Variants in RNFT2 observed in about 807,000 individuals in gnomAD.
The protein encoded by RNFT2 is E3 ubiquitin-protein ligase RNFT2.
RNFT2 carries 36 observed loss-of-function variants against 53.0 expected under a neutral mutation model. The observed-to-expected ratio is 0.68, with a 90% confidence interval of 0.52 to 0.90. RNFT2 has a LOEUF of 0.90. Among genes scored for constraint, RNFT2 ranks in the 40% least tolerant of loss-of-function variants. The pLI is 0.00. For missense variants in RNFT2, 514 were observed against 585.6 expected (o/e 0.88, Z 1.26); for synonymous variants, 260 against 253.2 (o/e 1.03, Z -0.26).
chr12:116,739,302 A>G lies in RNFT2; in HGVS notation c.-154+932A>G, dbSNP rs540580382. 2.1e-3 allele frequency among the ~76,000 whole-genome samples: 315 copies of G among 152,316 alleles called. 2 individuals carry two copies. Among genetic ancestry groups the G allele is most frequent in the African/African-American group, 7.1e-3 (297 of 41,578 alleles). On this transcript the variant is annotated intron_variant, in intron 1 of 10. Transcript: ENST00000257575. ...GGACAGGGAGCAAGGGATCTAGAAA[A>G]GGGGAACTGGGAGACCCATAGATGT...
chr12:116,744,904 G>A (rs7975090), intron 3 of RNFT2, among the ~76,000 whole-genome samples: 13 of 152,104 alleles, frequency 8.5e-5, no homozygotes, highest in African/African-American at 2.7e-4. Flanking sequence ...GGGTGGCCAC[G>A]GAGAGAGAGT....
chr12:116,843,717 G>A (rs1877471007), intron 10 of RNFT2, among the ~76,000 whole-genome samples: 2 of 151,984 alleles, frequency 1.3e-5, no homozygotes, highest in Non-Finnish European at 2.9e-5. Context: ...GGGTAAACCT[G>A]GTTTTTTGAA....
chr12:116,834,122 T>G (rs1165835970), intron 8 of RNFT2, among the ~76,000 whole-genome samples, 181 bp downstream of exon 8: 1 of 152,172 alleles, frequency 6.6e-6, no homozygotes, highest in Non-Finnish European at 1.5e-5. Flanking sequence ...TATTTTATTT[T>G]ATTTATTTAT....
At chr12:116,779,144 C>T (rs1383915857) in intron 6 of RNFT2, 51 bp from the exon 7 acceptor site, 1 of 1,600,254 alleles carries the variant, frequency 6.2e-7, no homozygotes, top group Non-Finnish European at 8.6e-7. Flanking sequence ...GAAGGAGCTG[C>T]TGAGGCCTGG....
chr12:116,758,029 G>C (rs561150171), intron 5 of RNFT2, among the ~76,000 whole-genome samples: 2 of 152,270 alleles, frequency 1.3e-5, no homozygotes, highest in Admixed American at 6.5e-5. Flanking sequence ...TATATATTTA[G>C]AATTGTGATA....
At chr12:116,790,734 A>C (rs1037150235) in intron 7 of RNFT2, among the ~76,000 whole-genome samples, 4 of 152,194 alleles carry the variant, frequency 2.6e-5, no homozygotes, top group African/African-American at 7.2e-5. Flanking sequence ...AGTTGGGAGG[A>C]TCTCTTGAGC....
chr12:116,843,114 A>G (rs927758111), intron 10 of RNFT2, among the ~76,000 whole-genome samples: 7 of 152,056 alleles, frequency 4.6e-5, no homozygotes, highest in African/African-American at 1.7e-4. Flanking sequence ...TTTGGGCAAG[A>G]CCTGGATAGA....
Position 116,740,425 on chromosome 12 carries a change from T to A in RNFT2, c.-73T>A. 6.9e-7 allele frequency: 1 copy of A among 1,451,122 alleles called. No individual in the cohort carries two copies. Among genetic ancestry groups the A allele is most frequent in the Non-Finnish European group, 9.5e-7 (1 of 1,055,074 alleles). The allele number at this position is 1,451,122 out of a possible 1,614,324, so 89.9% of individuals were successfully genotyped here. ...AGGGGGAGGCCTGTCCTCTCTGGGA[T>A]CCATTGGTCACATCCCCCTGAGGAT... On this transcript the variant is annotated 5_prime_UTR_variant, in exon 2 of 11. Transcript: ENST00000257575.
At chr12:116,769,049 A>G (rs1482072756) in intron 6 of RNFT2, among the ~76,000 whole-genome samples, 1 of 151,930 alleles carries the variant, frequency 6.6e-6, no homozygotes, top group African/African-American at 2.4e-5. Flanking sequence ...TTTAGAGTAT[A>G]CTTTTTCTAC....
intron 7 of RNFT2, among the ~76,000 whole-genome samples, chr12:116,798,360 A>T (rs4767456): frequency 0.018 from 2,786 of 152,212 alleles, 50 homozygotes; most frequent in South Asian, 0.063. Context: ...TATCTTAGAG[A>T]TTGTTCGGAT....
intron 7 of RNFT2, among the ~76,000 whole-genome samples, chr12:116,812,176 C>T (rs1328502949): frequency 6.6e-6 from 1 of 152,146 alleles, no homozygotes; most frequent in Non-Finnish European, 1.5e-5. Context: ...CAGAGACACA[C>T]AAAAGAACAA....
chr12:116,786,537 G>A (rs1037945876), intron 7 of RNFT2, among the ~76,000 whole-genome samples: 9 of 146,620 alleles, frequency 6.1e-5, no homozygotes, highest in Admixed American at 5.3e-4. Context: ...GATAAGGAAG[G>A]CATTTGAGGT....
chr12:116,849,613 C>T lies in RNFT2; in HGVS notation c.*165C>T, dbSNP rs758420558. The T allele has an allele frequency of 7.2e-7, 1 of 1,394,864 alleles. No homozygotes were observed. The highest frequency in any genetic ancestry group is 9.3e-7 in the Non-Finnish European group (1 of 1,072,930). The allele number at this position is 1,394,864 out of a possible 1,614,324, so 86.4% of individuals were successfully genotyped here. ...GCCCCTGTCTTGTCCTTCTGACCTT[C>T]ATCTTCCTCTCTCGTTCTGTGGTAT... On this transcript the variant is annotated 3_prime_UTR_variant, in exon 11 of 11. Transcript: ENST00000257575.
intron 8 of RNFT2, 97 bp downstream of exon 8, chr12:116,834,038 G>C: frequency 9.7e-7 from 1 of 1,029,222 alleles, no homozygotes; most frequent in Admixed American, 4.1e-5. Flanking sequence ...TACCCATGCT[G>C]ATTTATTTAT....
intron 3 of RNFT2, among the ~76,000 whole-genome samples, chr12:116,745,118 G>A (rs1463317349): frequency 1.3e-5 from 2 of 151,920 alleles, no homozygotes; most frequent in African/African-American, 4.8e-5. Context: ...GAGCCAGCAG[G>A]GGTGGGGCTT....
Position 116,852,299 on chromosome 12 carries a change from C to A in RNFT2, c.*2851C>A. 4 of 1,232,894 alleles carry A rather than the reference C, an allele frequency of 3.2e-6. No homozygotes were observed. Among genetic ancestry groups the A allele is most frequent in the Non-Finnish European group, 2.0e-6 (2 of 983,054 alleles). 76.4% of individuals were successfully genotyped at this position (1,232,894 alleles called of 1,614,324 possible). A position where few individuals can be genotyped will look rare whatever the true frequency, so the allele number is the denominator to read the frequency against. The stretch of plus-strand genomic sequence containing the variant: ...AGCTTTGTAGCCACCTCGCTGTCAG[C>A]CAGTATTAACATGTCCCCTTCCCCC... On this transcript the variant is annotated 3_prime_UTR_variant, in exon 11 of 11. Transcript: ENST00000257575.
chr12:116,794,163 G>C (rs1363472983), intron 7 of RNFT2, among the ~76,000 whole-genome samples: 1 of 152,162 alleles, frequency 6.6e-6, no homozygotes, highest in Non-Finnish European at 1.5e-5. Context: ...TATTTAGGAG[G>C]CTGAGGTGGG....
chr12:116,747,767 G>A (rs1242543400), intron 3 of RNFT2, among the ~76,000 whole-genome samples: 1 of 152,130 alleles, frequency 6.6e-6, no homozygotes, highest in African/African-American at 2.4e-5. Context: ...GGAGGTGCCT[G>A]CAGGGTGAGA....
intron 10 of RNFT2, among the ~76,000 whole-genome samples, chr12:116,845,417 A>C (rs1877562084): frequency 6.6e-6 from 1 of 152,122 alleles, no homozygotes; most frequent in Non-Finnish European, 1.5e-5. Flanking sequence ...TTACATTTGC[A>C]GGAGACAGTA....
Sources: gnomAD v4.1 joint callset for allele counts (sites outside exome capture counted in the v4.1 genomes callset) on GRCh38, gnomAD v4.1.1 for gene constraint, MANE v1.5 for transcripts, NCBI Gene and HGNC (gene_info 2026-07-23, HGNC 2026-07-21) for gene names.